The following MID2 variants were observed in gnomAD, a reference collection of about 807,000 sequenced individuals.
The protein encoded by MID2 is probable E3 ubiquitin-protein ligase MID2.
In MID2, 13 loss-of-function variants were observed where a neutral mutation model predicts 46.1. That is an observed-to-expected ratio of 0.28 (90% confidence interval 0.18 to 0.45). The LOEUF (loss-of-function observed/expected upper bound fraction) is 0.45, where lower values mean the gene tolerates loss of function less well. Among genes scored for constraint, MID2 ranks in the 20% least tolerant of loss-of-function variants. The probability of loss-of-function intolerance (pLI) is 1.00; values close to 1 mark genes in which losing one functional copy is unlikely to be tolerated. For synonymous variants in MID2, 199 were observed against 212.3 expected (o/e 0.94, Z 0.55); for missense variants, 431 against 575.4 (o/e 0.75, Z 2.57).
chrX:107,864,504 C>T (rs747321547), intron 3 of MID2, among the ~76,000 whole-genome samples: 15 of 111,291 alleles, frequency 1.3e-4, no homozygotes, highest in Admixed American at 9.5e-5. Context: ...ATAGAGTTTA[C>T]GCTGGGACCC....
intron 1 of MID2, among the ~76,000 whole-genome samples, chrX:107,838,553 A>G (rs1931258618): frequency 1.8e-5 from 2 of 112,508 alleles, no homozygotes; most frequent in African/African-American, 6.5e-5. Flanking sequence ...TTACAAAAAG[A>G]TTCTTCACTT....
At chrX:107,830,043 C>T (rs891550289) in intron 1 of MID2, among the ~76,000 whole-genome samples, 1 of 112,144 alleles carries the variant, frequency 8.9e-6, no homozygotes, top group Non-Finnish European at 1.9e-5. Flanking sequence ...CCTGTCCATT[C>T]CTTCATCCCT....
intron 5 of MID2, among the ~76,000 whole-genome samples, chrX:107,913,958 AAG>A (rs1932927601): frequency 8.9e-6 from 1 of 112,360 alleles, no homozygotes; most frequent in Admixed American, 9.4e-5. Flanking sequence ...GGCTTCAAAC[AAG>A]AGAGAACACA....
intron 7 of MID2, among the ~76,000 whole-genome samples, chrX:107,920,688 A>C (rs973865203): frequency 8.9e-6 from 1 of 112,132 alleles, no homozygotes; most frequent in Admixed American, 9.5e-5. Context: ...ACTAAATCTC[A>C]GTAATACCTA....
chrX:107,873,505 T>C (rs778216617), intron 3 of MID2, among the ~76,000 whole-genome samples: 65 of 112,547 alleles, frequency 5.8e-4, no homozygotes, highest in African/African-American at 2.1e-3. Context: ...GAACTTTCCA[T>C]TGGTCAGCAG....
In MID2 at chrX:107,841,164, C is replaced by G. The variant is rs151065224; in HGVS notation, c.499C>G (p.Arg167Gly). ...CEVSYCDRCL[R>G]ATHPNKKPFT... ...GGTCTCCTACTGTGACCGTTGCCTG[C>G]GGGCCACGCACCCCAACAAGAAACC... Residue 167 changes from arginine (R) to glycine (G), a missense_variant, in exon 2 of 10, where the codon CGG (arginine) becomes GGG (glycine). Arg to Gly is a moderately radical substitution (Grantham distance 125, BLOSUM62 -2). Transcript: ENST00000262843. 4 of 1,209,110 alleles carry G rather than the reference C, an allele frequency of 3.3e-6. No homozygotes were observed. The highest frequency in any genetic ancestry group is 4.4e-5 in the Admixed American group (2 of 45,771).
chrX:107,827,742 C>T (rs1456251029), intron 1 of MID2, among the ~76,000 whole-genome samples: 1 of 95,982 alleles, frequency 1.0e-5, no homozygotes, highest in Non-Finnish European at 2.1e-5. Flanking sequence ...CTTCCCCCTG[C>T]CCACCCCCGA....
chrX:107,854,944 T>C (rs915111751), intron 3 of MID2, among the ~76,000 whole-genome samples: 1 of 111,479 alleles, frequency 9.0e-6, no homozygotes, highest in Non-Finnish European at 1.9e-5. Context: ...GGCAACCTAT[T>C]CTCCTTTCCA....
At chrX:107,870,829 T>A (rs1234356724) in intron 3 of MID2, among the ~76,000 whole-genome samples, 1 of 108,280 alleles carries the variant, frequency 9.2e-6, no homozygotes, top group East Asian at 2.9e-4. Flanking sequence ...TAAGTGTATC[T>A]CCTTTTCCAT....
chrX:107,890,518 G>T (rs1251133238), intron 3 of MID2, among the ~76,000 whole-genome samples: 1 of 112,078 alleles, frequency 8.9e-6, no homozygotes, highest in Non-Finnish European at 1.9e-5. Context: ...TGAGGTATCA[G>T]TCTGCCCCTA....
At chrX:107,836,543 G>A (rs1233940362) in intron 1 of MID2, among the ~76,000 whole-genome samples, 1 of 109,252 alleles carries the variant, frequency 9.2e-6, no homozygotes, top group Non-Finnish European at 1.9e-5. Context: ...GAGCCACCAC[G>A]CCCAGCCTAC....
At chrX:107,854,864 AG>A (rs1931707228) in intron 3 of MID2, among the ~76,000 whole-genome samples, 160 bp downstream of exon 3, 1 of 112,016 alleles carries the variant, frequency 8.9e-6, no homozygotes, top group Non-Finnish European at 1.9e-5. Flanking sequence ...TTCCAAAAAA[AG>A]TGTCAGAAAC....
At chrX:107,915,298 T>G (rs1001104846) in intron 5 of MID2, among the ~76,000 whole-genome samples, 2 of 112,303 alleles carry the variant, frequency 1.8e-5, no homozygotes, top group African/African-American at 6.5e-5. Context: ...GGCTAGCTCA[T>G]GTAATTCCAG....
rs762362574 is a variant in MID2 at position 107,924,443 on chromosome X, C to T, written c.1536C>T (p.Ile512=). Residue 512 remains isoleucine, a synonymous_variant, in exon 8 of 10, where the codon ATC becomes ATT. Coordinates refer to ENST00000262843, the MANE Select transcript of MID2 (RefSeq NM_012216.4). ...GLQSGTRYIF[I]VKAINQAGSR... ...AGAGCGGGACTCGCTACATCTTCATCGTTAAAGCCATAAACCAAGCCGGCA... is the reference window on the plus strand; with the variant it reads ...AGAGCGGGACTCGCTACATCTTCATTGTTAAAGCCATAAACCAAGCCGGCA... The T allele has an allele frequency of 8.3e-6, 10 of 1,209,914 alleles. No individual in the cohort carries two copies. Among genetic ancestry groups the T allele is most frequent in the Middle Eastern group, 4.6e-4 (2 of 4,350 alleles).
At position 107,926,985 on chromosome X, in the gene MID2, C is replaced by G. The variant is rs2147877529; in HGVS notation, c.2120C>G (p.Pro707Arg). 8.3e-7 allele frequency: 1 copy of G among 1,209,190 alleles called. No homozygotes were observed. The highest frequency in any genetic ancestry group is 1.8e-5 in the South Asian group (1 of 56,763). Residue 707 changes from proline to arginine, a missense_variant, in exon 10 of 10, where the codon CCA becomes CGA. Transcript: ENST00000262843. Reference sequence around the variant, plus strand: ...ATGATCCTGTCTGGCTTGCCTGCCCCAGATTTTATTGATTACCCTGAGCGG... The same window carrying G: ...ATGATCCTGTCTGGCTTGCCTGCCCGAGATTTTATTGATTACCCTGAGCGG... ...SLMILSGLPA[P>R]DFIDYPERQE...
At position 107,879,931 on chromosome X, in the gene MID2, GT is replaced by G. The variant is rs777072645; in HGVS notation, c.817-24020del. ...TAACTATTATATTGATGTATTGATG[GT>G]TTTTTTCTATAGTCTTATTTTTGTT... On this transcript the variant is annotated intron_variant, in intron 3 of 9. Coordinates refer to ENST00000262843, the MANE Select transcript of MID2 (RefSeq NM_012216.4). Among the ~76,000 whole-genome samples, 3 of 108,643 alleles carry G rather than the reference GT, an allele frequency of 2.8e-5. No homozygotes were observed. The South Asian group carries it at 1.2e-3, about 44-fold the overall frequency. 94.3% of individuals were successfully genotyped at this position (108,643 alleles called of 115,157 possible). A position where few individuals can be genotyped will look rare whatever the true frequency, so the allele number is the denominator to read the frequency against.
chrX:107,825,892 A>G lies in MID2; in HGVS notation c.-535A>G. The G allele has an allele frequency of 3.8e-6, 1 of 261,321 alleles. No homozygotes were observed. Among genetic ancestry groups the G allele is most frequent in the Non-Finnish European group, 6.8e-6 (1 of 147,579 alleles). The allele number at this position is 261,321 out of a possible 1,213,427, so 21.5% of individuals were successfully genotyped here. A position where few individuals can be genotyped will look rare whatever the true frequency, so the allele number is the denominator to read the frequency against. On this transcript the variant is annotated 5_prime_UTR_variant, in exon 1 of 10. The change abolishes the stop of an existing upstream ORF in the 5' untranslated region. Transcript: ENST00000262843. ...CTCCTGCCAGGGGAGAAGACATGTA[A>G]ACGTGCCTCCAGAGGAAGGGCTGGG...
At chrX:107,854,541 T>C (rs761966353) in intron 2 of MID2, 68 bp from the exon 3 acceptor site, 6 of 802,898 alleles carry the variant, frequency 7.5e-6, no homozygotes, top group Admixed American at 6.9e-5. Flanking sequence ...ACATTGGTTC[T>C]CAAGCTCATG....
intron 1 of MID2, among the ~76,000 whole-genome samples, chrX:107,826,948 C>A (rs1188563865): frequency 8.9e-6 from 1 of 112,980 alleles, no homozygotes; most frequent in Non-Finnish European, 1.9e-5. Flanking sequence ...CCTTTTCTGC[C>A]AGGGAGCGAT....
Sources: gnomAD v4.1 joint callset for allele counts (sites outside exome capture counted in the v4.1 genomes callset) on GRCh38, gnomAD v4.1.1 for gene constraint, MANE v1.5 for transcripts, NCBI Gene and HGNC (gene_info 2026-07-23, HGNC 2026-07-21) for gene names.